KIF5B: variants seen among roughly 807,000 people sequenced by gnomAD.
The protein encoded by KIF5B is kinesin-1 heavy chain.
In KIF5B, 49 loss-of-function variants were observed where a neutral mutation model predicts 132.8. The ratio of observed to expected loss-of-function variants is 0.37; its 90% CI spans 0.29 to 0.47. The LOEUF is 0.47. KIF5B is among the 20% of genes least tolerant of loss of function. KIF5B has a pLI of 1.00. For synonymous variants in KIF5B, 355 were observed against 369.4 expected, an observed-to-expected ratio of 0.96 and a Z score of 0.45; for missense variants, 780 against 1,144.0, an observed-to-expected ratio of 0.68 and a Z score of 4.59.
intron 1 of KIF5B, among the ~76,000 whole-genome samples, chr10:32,053,483 G>C (rs1015505038): frequency 6.6e-6 from 1 of 151,102 alleles, no homozygotes; most frequent in Admixed American, 6.6e-5. Flanking sequence ...CCAGCACTTT[G>C]GGAGGCCAAG....
rs767989335 is a variant in KIF5B, at chr10:32,022,180, G to A, written c.1992C>T (p.Val664=). ...GGACTAGTTCTTCACTGAGGGCATC[G>A]ACAGATTCCTCCAACTGTCTTTTCT... is the stretch of plus-strand genomic sequence containing the variant. ...EQKKRQLEES[V]DALSEELVQL... The change falls in exon 17 of 26, where the codon GTC becomes GTT. Residue 664 remains valine (V), a synonymous_variant. Transcript: ENST00000302418. 2.8e-5 allele frequency: 45 copies of A among 1,612,352 alleles called. No individual in the cohort carries two copies. The highest frequency in any genetic ancestry group is 3.3e-5 in the Non-Finnish European group (39 of 1,178,822).
At chr10:32,049,529 T>C (rs530286688) in intron 1 of KIF5B, among the ~76,000 whole-genome samples, 2 of 152,154 alleles carry the variant, frequency 1.3e-5, no homozygotes, top group East Asian at 1.9e-4. Flanking sequence ...AAGAACAGTG[T>C]AGCATTCAAG....
At position 32,055,959 on chromosome 10, in the gene KIF5B, GGCCAGGTCC is replaced by G; in HGVS notation, c.6_14del (p.Asp3_Ala5del). The G allele has an allele frequency of 6.2e-7, 1 of 1,607,626 alleles. No individual in the cohort carries two copies. Among genetic ancestry groups the G allele is most frequent in the Non-Finnish European group, 8.5e-7 (1 of 1,179,864 alleles). ...GACACATCACTTTGATGTTGCACTC[GGCCAGGTCC>G]GCCATCTTTCTCGCAGCCGGGGCCG... On this transcript the variant is annotated inframe_deletion, in exon 1 of 26. Transcript: ENST00000302418.
chr10:32,024,277 CCCAAGTAG>C (rs1841306288), intron 15 of KIF5B, among the ~76,000 whole-genome samples: 1 of 143,644 alleles, frequency 7.0e-6, no homozygotes, highest in Non-Finnish European at 1.5e-5. Context: ...GCCTCAGCCT[CCCAAGTAG>C]CTGGGACTAC....
At chr10:32,052,902 C>G (rs1235501659) in intron 1 of KIF5B, among the ~76,000 whole-genome samples, 1 of 152,162 alleles carries the variant, frequency 6.6e-6, no homozygotes, top group Non-Finnish European at 1.5e-5. Flanking sequence ...ATATTAAAAT[C>G]ACTGATTACA....
intron 2 of KIF5B, among the ~76,000 whole-genome samples, chr10:32,047,808 G>C (rs962554163): frequency 2.0e-5 from 3 of 152,234 alleles, no homozygotes; most frequent in Admixed American, 1.3e-4. Context: ...AACAACTACA[G>C]CTGTCAAAAA....
At chr10:32,048,360 G>T in intron 2 of KIF5B, 104 bp downstream of exon 2, 1 of 702,544 alleles carries the variant, frequency 1.4e-6, no homozygotes, top group Non-Finnish European at 2.4e-6. Context: ...AATTAACTTA[G>T]AAGAAAGGGG....
intron 15 of KIF5B, among the ~76,000 whole-genome samples, chr10:32,026,151 C>T (rs770407202): frequency 1.1e-4 from 16 of 151,858 alleles, no homozygotes; most frequent in African/African-American, 1.7e-4. Context: ...AGAACAACAA[C>T]AGGCCGGGCG....
In KIF5B at chr10:32,031,297, A is replaced by G; in HGVS notation, c.1375-18T>C. On this transcript the variant is annotated intron_variant, in intron 13 of 25. Coordinates refer to ENST00000302418, the MANE Select transcript of KIF5B (RefSeq NM_004521.3). ...GCCAAAAGCTATAGGACAGAAAATAATTTATTTTCCCCAAAAGTATACAGG... is the reference window on the plus strand; with the variant it reads ...GCCAAAAGCTATAGGACAGAAAATAGTTTATTTTCCCCAAAAGTATACAGG... 4.4e-6 allele frequency: 7 copies of G among 1,600,796 alleles called. No homozygotes were observed. Among genetic ancestry groups the G allele is most frequent in the Non-Finnish European group, 6.0e-6 (7 of 1,169,896 alleles).
At chr10:32,012,963 A>G (rs2132572821) in intron 25 of KIF5B, among the ~76,000 whole-genome samples, 1 of 144,006 alleles carries the variant, frequency 6.9e-6, no homozygotes, top group African/African-American at 2.6e-5. Flanking sequence ...GTGCAATGCC[A>G]CGATCTCGGA....
intron 19 of KIF5B, 22 bp downstream of exon 19, chr10:32,020,996 CCTAA>C (rs1841250712): frequency 1.5e-6 from 2 of 1,301,064 alleles, no homozygotes; most frequent in Non-Finnish European, 1.1e-6. Context: ...ATTCTTTCCT[CCTAA>C]CTAGAGAAGT....
chr10:32,054,007 G>A (rs1200000117), intron 1 of KIF5B, among the ~76,000 whole-genome samples: 1 of 152,124 alleles, frequency 6.6e-6, no homozygotes, highest in Admixed American at 6.5e-5. Flanking sequence ...CCTCATCAAA[G>A]TTTACCTTCT....
At chr10:32,020,802 G>C (rs1254057233) in intron 19 of KIF5B, among the ~76,000 whole-genome samples, 1 of 151,862 alleles carries the variant, frequency 6.6e-6, no homozygotes, top group Non-Finnish European at 1.5e-5. Flanking sequence ...TTAGGTTGGG[G>C]ATTTTTTTCT....
At chr10:32,048,575 A>G in intron 1 of KIF5B, 24 bp from the exon 2 acceptor site, 1 of 1,550,800 alleles carries the variant, frequency 6.4e-7, no homozygotes, top group East Asian at 2.2e-5. Flanking sequence ...AAGTGTTTCA[A>G]CTATACAAAT....
intron 24 of KIF5B, 108 bp downstream of exon 24, chr10:32,017,028 TTAGAAAA>T: frequency 2.4e-6 from 2 of 847,410 alleles, no homozygotes; most frequent in Non-Finnish European, 3.9e-6. Context: ...CTCTGCTAAG[TTAGAAAA>T]TAGAGACAGA....
At chr10:32,026,555 ATAAC>A (rs1233614272) in intron 15 of KIF5B, among the ~76,000 whole-genome samples, 1 of 149,778 alleles carries the variant, frequency 6.7e-6, no homozygotes, top group East Asian at 2.0e-4. Context: ...TTTAATTAGA[ATAAC>A]TATTTGCAAA....
chr10:32,047,623 C>T (rs1841630207), intron 2 of KIF5B, among the ~76,000 whole-genome samples: 1 of 152,084 alleles, frequency 6.6e-6, no homozygotes, highest in Admixed American at 6.6e-5. Context: ...TACACATTTT[C>T]CCTCCCTCAC....
intron 15 of KIF5B, among the ~76,000 whole-genome samples, chr10:32,025,429 G>A (rs112074477): frequency 6.6e-6 from 1 of 152,288 alleles, no homozygotes; most frequent in African/African-American, 2.4e-5. Context: ...AGGAAGGAGT[G>A]CAGTGGTACC....
At chr10:32,021,674 T>A (rs539562175) in intron 17 of KIF5B, among the ~76,000 whole-genome samples, 39 of 151,804 alleles carry the variant, frequency 2.6e-4, no homozygotes, top group Admixed American at 6.6e-4. Flanking sequence ...ATCTTAAAAA[T>A]ATATATATAT....
Sources: gnomAD v4.1 joint callset for allele counts (sites outside exome capture counted in the v4.1 genomes callset) on GRCh38, gnomAD v4.1.1 for gene constraint, MANE v1.5 for transcripts, NCBI Gene and HGNC (gene_info 2026-07-23, HGNC 2026-07-21) for gene names.